SPSB4: variants seen among roughly 807,000 people sequenced by gnomAD.
The protein encoded by SPSB4 is splA/ryanodine receptor domain and SOCS box containing 4, also known as SPRY domain-containing SOCS box protein 4.
Under a neutral mutation model 20.9 loss-of-function variants are expected in SPSB4, and 21 were observed. The ratio of observed to expected loss-of-function variants is 1.01; its 90% CI spans 0.71 to 1.45. The LOEUF (loss-of-function observed/expected upper bound fraction) is 1.45, where lower values mean the gene tolerates loss of function less well. Among genes scored for constraint, SPSB4 ranks in the 40% most tolerant of loss-of-function variants. The pLI is 0.00. For missense variants in SPSB4, 399 were observed against 399.2 expected, an observed-to-expected ratio of 1.00 and a Z score of 0.00; for synonymous variants, 207 against 183.8, an observed-to-expected ratio of 1.13 and a Z score of -1.02.
At chr3:141,054,400 C>T (rs1189447542) in intron 1 of SPSB4, among the ~76,000 whole-genome samples, 1 of 152,110 alleles carries the variant, frequency 6.6e-6, no homozygotes, top group African/African-American at 2.4e-5. Flanking sequence ...AAGAAAAGAT[C>T]AACTATAAAA....
chr3:141,095,752 G>A (rs1381008391), intron 2 of SPSB4, among the ~76,000 whole-genome samples: 1 of 152,188 alleles, frequency 6.6e-6, no homozygotes, highest in Non-Finnish European at 1.5e-5. Context: ...AGCTGGCACT[G>A]TGGGCAGAGG....
chr3:141,065,160 A>G (rs140805165), intron 1 of SPSB4, among the ~76,000 whole-genome samples: 181 of 152,190 alleles, frequency 1.2e-3, no homozygotes, highest in Middle Eastern at 3.4e-3. Context: ...ACAGTAGGAG[A>G]TGGAGAGAGG....
chr3:141,087,550 T>C (rs114299745), intron 2 of SPSB4, among the ~76,000 whole-genome samples: 3,420 of 152,330 alleles, frequency 0.022, 46 homozygotes, highest in Non-Finnish European at 0.035. Context: ...CTGTGGCAGC[T>C]GCTTTACATC....
chr3:141,131,495 C>A (rs187900900), intron 2 of SPSB4, among the ~76,000 whole-genome samples: 1 of 152,160 alleles, frequency 6.6e-6, no homozygotes, highest in Admixed American at 6.5e-5. Flanking sequence ...TCCCAACCCC[C>A]AGGAATCCCT....
chr3:141,081,621 G>C (rs759149922), intron 2 of SPSB4, among the ~76,000 whole-genome samples: 3 of 152,078 alleles, frequency 2.0e-5, no homozygotes, highest in Non-Finnish European at 4.4e-5. Context: ...GGAGGGCCTG[G>C]GGGACAGCAG....
chr3:141,076,472 AAC>A (rs1185233071), intron 2 of SPSB4, among the ~76,000 whole-genome samples: 1 of 152,236 alleles, frequency 6.6e-6, no homozygotes, highest in African/African-American at 2.4e-5. Context: ...CTCTTTGTTA[AAC>A]AGTCATTGAT....
At chr3:141,089,672 T>G (rs995274730) in intron 2 of SPSB4, among the ~76,000 whole-genome samples, 19 of 152,190 alleles carry the variant, frequency 1.2e-4, no homozygotes, top group Non-Finnish European at 2.4e-4. Context: ...GCCAGGCCTG[T>G]GCCAGCAGCC....
In SPSB4 at chr3:141,066,020, C is replaced by A. The variant is rs1306563631; in HGVS notation, c.-85C>A. On this transcript the variant is annotated 5_prime_UTR_variant, in exon 2 of 3. Transcript: ENST00000310546. ...TACCGTCCGGAAGCCTGGTTCCCAGCCCCGTGGCCCATTCCTGGCTACGGG... is the reference window on the plus strand; with the variant it reads ...TACCGTCCGGAAGCCTGGTTCCCAGACCCGTGGCCCATTCCTGGCTACGGG... The A allele has an allele frequency of 4.0e-6, 5 of 1,246,240 alleles. No homozygotes were observed. Among genetic ancestry groups the A allele is most frequent in the Non-Finnish European group, 5.3e-6 (5 of 945,306 alleles). 77.2% of individuals were successfully genotyped at this position (1,246,240 alleles called of 1,614,324 possible).
At position 141,066,605 on chromosome 3, in the gene SPSB4, C is replaced by A. The variant is rs1420773938; in HGVS notation, c.501C>A (p.Pro167=). ...TGGCCTACCCGGCCTTTCTGGGGCC[C>A]GACGAGGCCTTTGCGCTGCCCGACT... ...PGVAYPAFLG[P]DEAFALPDSL... is the part of the protein sequence containing the mutation. Residue 167 remains proline, a synonymous_variant, in exon 2 of 3, where the codon CCC becomes CCA. Coordinates refer to ENST00000310546, the MANE Select transcript of SPSB4 (RefSeq NM_080862.3). 1.3e-6 allele frequency: 2 copies of A among 1,585,836 alleles called. No homozygotes were observed. The highest frequency in any genetic ancestry group is 1.3e-5 in the African/African-American group (1 of 74,452).
At chr3:141,054,430 C>T (rs149448508) in intron 1 of SPSB4, among the ~76,000 whole-genome samples, 8 of 152,304 alleles carry the variant, frequency 5.3e-5, no homozygotes, top group East Asian at 3.9e-4. Flanking sequence ...ACCAGCAACA[C>T]GTTTTTAATA....
In SPSB4 at chr3:141,084,137, A is replaced by G. The variant is rs530560557; in HGVS notation, c.694+17339A>G. Among the ~76,000 whole-genome samples the G allele has an allele frequency of 3.9e-5, 6 of 152,334 alleles. No homozygotes were observed. In the South Asian group the frequency reaches 8.3e-4, roughly 21 times the overall value. The stretch of plus-strand genomic sequence containing the variant: ...GATTTACTTCCTCTCCCAGAGAGTA[A>G]CAGCATCTGATGCAGACCCAGGGAG... On this transcript the variant is annotated intron_variant, in intron 2 of 2. Coordinates refer to ENST00000310546, the MANE Select transcript of SPSB4 (RefSeq NM_080862.3).
intron 1 of SPSB4, among the ~76,000 whole-genome samples, chr3:141,057,894 A>G (rs1468743077): frequency 6.6e-6 from 1 of 152,206 alleles, no homozygotes; most frequent in Non-Finnish European, 1.5e-5. Context: ...CTTTGTCATT[A>G]TTCAGATCTC....
At chr3:141,065,817 G>T in intron 1 of SPSB4, 135 bp from the exon 2 acceptor site, 1 of 399,318 alleles carries the variant, frequency 2.5e-6, no homozygotes, top group Non-Finnish European at 4.4e-6. Context: ...CTAGATTAGT[G>T]CCAGATATGA....
chr3:141,103,345 C>G (rs1938641775), intron 2 of SPSB4, among the ~76,000 whole-genome samples: 1 of 152,184 alleles, frequency 6.6e-6, no homozygotes, highest in Admixed American at 6.5e-5. Flanking sequence ...AGTGTGGACA[C>G]AGAGGGGCCC....
At chr3:141,074,048 G>C (rs1165365777) in intron 2 of SPSB4, among the ~76,000 whole-genome samples, 1 of 152,206 alleles carries the variant, frequency 6.6e-6, no homozygotes. Context: ...TTGCAGAAAG[G>C]TGGCTTTGAA....
At chr3:141,073,675 C>T (rs1938048994) in intron 2 of SPSB4, among the ~76,000 whole-genome samples, 1 of 152,228 alleles carries the variant, frequency 6.6e-6, no homozygotes, top group African/African-American at 2.4e-5. Context: ...TCAGTAAATG[C>T]ATATTAATGT....
intron 2 of SPSB4, among the ~76,000 whole-genome samples, chr3:141,118,941 T>G (rs1328737813): frequency 6.6e-6 from 1 of 152,246 alleles, no homozygotes; most frequent in Non-Finnish European, 1.5e-5. Context: ...TCAGCTTTGT[T>G]CTTTTTGCTT....
At chr3:141,060,820 G>C (rs956251677) in intron 1 of SPSB4, among the ~76,000 whole-genome samples, 1 of 152,034 alleles carries the variant, frequency 6.6e-6, no homozygotes, top group East Asian at 1.9e-4. Context: ...TAAGCTGATA[G>C]ACAAAAATGG....
intron 2 of SPSB4, among the ~76,000 whole-genome samples, chr3:141,099,315 G>T (rs759081104): frequency 4.6e-5 from 7 of 151,926 alleles, no homozygotes; most frequent in Non-Finnish European, 8.8e-5. Context: ...CTCCCGTGTA[G>T]CTGGGACTAC....
Sources: allele counts gnomAD v4.1 joint callset (sites outside exome capture counted in the v4.1 genomes callset), GRCh38; gene constraint gnomAD v4.1.1; transcripts MANE v1.5; gene names NCBI Gene and HGNC (gene_info 2026-07-23, HGNC 2026-07-21).